The following SCARA5 variants were observed in gnomAD, a reference collection of about 807,000 sequenced individuals.
SCARA5 encodes the protein scavenger receptor class A, member 5 (putative).
SCARA5 carries 45 observed loss-of-function variants against 46.3 expected under a neutral mutation model. The observed-to-expected ratio is 0.97, with a 90% CI of 0.76 to 1.24. The LOEUF (loss-of-function observed/expected upper bound fraction) is 1.24, where lower values mean the gene tolerates loss of function less well. Among genes scored for constraint, SCARA5 ranks in the 50% most tolerant of loss-of-function variants. The probability of loss-of-function intolerance (pLI) is 0.00; values close to 1 mark genes in which losing one functional copy is unlikely to be tolerated. For synonymous variants in SCARA5, 333 were observed against 306.5 expected, an observed-to-expected ratio of 1.09 and a Z score of -0.90; for missense variants, 680 against 689.0, an observed-to-expected ratio of 0.99 and a Z score of 0.15.
chr8:27,971,090 T>C (rs1808441017), intron 2 of SCARA5, among the ~76,000 whole-genome samples: 1 of 152,240 alleles, frequency 6.6e-6, no homozygotes, highest in South Asian at 2.1e-4. Context: ...CCCAGGCCAC[T>C]GCCTGGCACA....
chr8:27,982,852 G>A (rs1274940849), intron 2 of SCARA5, among the ~76,000 whole-genome samples: 3 of 152,194 alleles, frequency 2.0e-5, no homozygotes, highest in Non-Finnish European at 4.4e-5. Flanking sequence ...CACCTGGCAA[G>A]TGAAGAAAGG....
At position 27,871,612 on chromosome 8, in the gene SCARA5, C is replaced by T. The variant is rs1806637360; in HGVS notation, c.*322G>A. 8.3e-7 allele frequency: 1 copy of T among 1,201,218 alleles called. No homozygotes were observed. Among genetic ancestry groups the T allele is most frequent in the South Asian group, 2.5e-5 (1 of 40,788 alleles). The allele number at this position is 1,201,218 out of a possible 1,614,324, so 74.4% of individuals were successfully genotyped here. A position where few individuals can be genotyped will look rare whatever the true frequency, so the allele number is the denominator to read the frequency against. On this transcript the variant is annotated 3_prime_UTR_variant, in exon 9 of 9. Coordinates refer to ENST00000354914, the MANE Select transcript of SCARA5 (RefSeq NM_173833.6). ...TCAGCATTCACCTGTAACTAAAAGGCCAAAGGGAACTGGGATATTGAGGCC... is the reference window on the plus strand; with the variant it reads ...TCAGCATTCACCTGTAACTAAAAGGTCAAAGGGAACTGGGATATTGAGGCC...
chr8:27,901,942 G>A (rs1238344923), intron 7 of SCARA5, among the ~76,000 whole-genome samples: 2 of 152,210 alleles, frequency 1.3e-5, no homozygotes, highest in Non-Finnish European at 2.9e-5. Context: ...ATGGGCCTCT[G>A]AAAATGGGGA....
At chr8:27,925,218 T>C (rs917945320) in intron 3 of SCARA5, among the ~76,000 whole-genome samples, 3 of 152,170 alleles carry the variant, frequency 2.0e-5, no homozygotes, top group African/African-American at 4.8e-5. Flanking sequence ...GGAGGCATCA[T>C]GCTACCTGAC....
intron 3 of SCARA5, among the ~76,000 whole-genome samples, chr8:27,954,164 G>A (rs1808173197): frequency 6.6e-6 from 1 of 152,168 alleles, no homozygotes; most frequent in African/African-American, 2.4e-5. Context: ...GCTGTTCCCA[G>A]GTACCAGGAC....
Position 27,909,713 on chromosome 8 carries a change from T to A in SCARA5, c.947A>T (p.Asp316Val). The change falls in exon 5 of 9, where the codon GAT (aspartate) becomes GTT (valine). Residue 316 changes from aspartate to valine, a missense_variant. Physicochemically the swap from Asp to Val is radical, Grantham distance 152. This residue lies in a region of SCARA5 where 219 missense variants were observed against 269.5 expected (regional missense o/e 0.81). Transcript: ENST00000354914. ...GPPGPKGDQGDEGKEGRPGIP... is the reference protein window; with the variant it reads ...GPPGPKGDQGVEGKEGRPGIP... ...GCCAGGCCTGCCTTCCTTTCCTTCA[T>A]CCCCCTGATCACCTTTGGGTCCCGG... The A allele has an allele frequency of 6.4e-7, 1 of 1,550,688 alleles. No individual in the cohort carries two copies. The highest frequency in any genetic ancestry group is 2.0e-5 in the Admixed American group (1 of 50,924).
intron 7 of SCARA5, among the ~76,000 whole-genome samples, chr8:27,890,705 C>T (rs1806967336): frequency 6.6e-6 from 1 of 152,226 alleles, no homozygotes; most frequent in African/African-American, 2.4e-5. Flanking sequence ...AAAGGTGCTG[C>T]CCCAGCACGG....
chr8:27,878,855 A>G (rs938349168), intron 8 of SCARA5, among the ~76,000 whole-genome samples: 1 of 152,218 alleles, frequency 6.6e-6, no homozygotes, highest in African/African-American at 2.4e-5. Flanking sequence ...TTGGGAGGCC[A>G]AGGTGGGTGG....
Position 27,879,569 on chromosome 8 carries a change from C to A in SCARA5, c.1351G>T (p.Gly451Cys). ...EVYRTARFGQ[G>C]TGRIWMDDVA... ...GTTTTTTGCCCTCAGAGCGCCTTACCTTGCCCGAATCGAGCTGTGCGGTAC... is the reference window on the plus strand; with the variant it reads ...GTTTTTTGCCCTCAGAGCGCCTTACATTGCCCGAATCGAGCTGTGCGGTAC... Residue 451 changes from glycine to cysteine, a missense_variant and splice_region_variant, in exon 8 of 9, where the codon GGC (glycine) becomes TGC (cysteine). Gly to Cys is a radical substitution (Grantham distance 159). Coordinates refer to ENST00000354914, the MANE Select transcript of SCARA5 (RefSeq NM_173833.6). The A allele has an allele frequency of 6.2e-7, 1 of 1,606,164 alleles. No individual in the cohort carries two copies.
At chr8:27,929,058 C>A (rs910398521) in intron 3 of SCARA5, among the ~76,000 whole-genome samples, 1 of 152,130 alleles carries the variant, frequency 6.6e-6, no homozygotes, top group African/African-American at 2.4e-5. Flanking sequence ...TGGCAGAAAC[C>A]ATGTAGAGAT....
chr8:27,927,236 C>G (rs898610281), intron 3 of SCARA5, among the ~76,000 whole-genome samples: 1 of 152,336 alleles, frequency 6.6e-6, no homozygotes, highest in African/African-American at 2.4e-5. Context: ...TGCCTCCTCA[C>G]TTACCAGCTC....
chr8:27,919,276 G>C (rs1807543736), intron 4 of SCARA5, among the ~76,000 whole-genome samples: 1 of 140,276 alleles, frequency 7.1e-6, no homozygotes, highest in South Asian at 2.1e-4. Context: ...GAAGAGAAGA[G>C]GTGAAGGAGG....
intron 7 of SCARA5, among the ~76,000 whole-genome samples, chr8:27,889,044 C>T (rs1361317246): frequency 1.3e-5 from 2 of 152,070 alleles, no homozygotes; most frequent in African/African-American, 4.8e-5. Flanking sequence ...ACCTGTTGTA[C>T]TGAGCCTGCC....
At chr8:27,885,941 A>G (rs1242605686) in intron 7 of SCARA5, 1 of 154,540 alleles carries the variant, frequency 6.5e-6, no homozygotes, top group Admixed American at 6.5e-5. Flanking sequence ...TTGAAAACAT[A>G]TGATAACCAT....
intron 8 of SCARA5, among the ~76,000 whole-genome samples, chr8:27,877,288 C>T (rs911892926): frequency 6.6e-6 from 1 of 152,204 alleles, no homozygotes; most frequent in Non-Finnish European, 1.5e-5. Context: ...TGTTAGGGCA[C>T]CATGATAGGG....
chr8:27,974,918 C>G (rs1353747124), intron 2 of SCARA5, among the ~76,000 whole-genome samples: 1 of 9,602 alleles, frequency 1.0e-4, no homozygotes, highest in Non-Finnish European at 2.4e-3. Flanking sequence ...CATCCTGAAT[C>G]CTGGCAAAAA....
chr8:27,945,907 T>A (rs974807045), intron 3 of SCARA5, among the ~76,000 whole-genome samples: 1 of 152,242 alleles, frequency 6.6e-6, no homozygotes, highest in African/African-American at 2.4e-5. Context: ...CAGTGCTACA[T>A]CATGCTGGCA....
chr8:27,934,711 C>T (rs1807827701), intron 3 of SCARA5, among the ~76,000 whole-genome samples: 1 of 152,220 alleles, frequency 6.6e-6, no homozygotes, highest in Admixed American at 6.5e-5. Context: ...GTTAATCTTC[C>T]AGAGTGGAGC....
intron 2 of SCARA5, among the ~76,000 whole-genome samples, chr8:27,970,538 A>G (rs1441453791): frequency 6.6e-6 from 1 of 152,202 alleles, no homozygotes; most frequent in Non-Finnish European, 1.5e-5. Flanking sequence ...CAAAATTTGC[A>G]TATAATTAAA....
Sources: gnomAD v4.1 joint callset for allele counts (sites outside exome capture counted in the v4.1 genomes callset) on GRCh38, gnomAD v4.1.1 for gene constraint, gnomAD v4.1.1 regional missense constraint, MANE v1.5 for transcripts, NCBI Gene and HGNC (gene_info 2026-07-23, HGNC 2026-07-21) for gene names.